CARD14: variants seen among roughly 807,000 people sequenced by gnomAD.
CARD14 encodes caspase recruitment domain family member 14, also known as caspase recruitment domain-containing protein 14.
Under a neutral mutation model 111.5 loss-of-function variants are expected in CARD14, and 107 were observed. The ratio of observed to expected loss-of-function variants is 0.96; its 90% CI spans 0.82 to 1.13. CARD14 has a LOEUF of 1.13. CARD14 is among the 50% of genes most tolerant of loss of function. The probability of loss-of-function intolerance (pLI) is 0.00; values close to 1 mark genes in which losing one functional copy is unlikely to be tolerated. For synonymous variants in CARD14, 617 were observed against 579.6 expected, an observed-to-expected ratio of 1.06 and a Z score of -0.93; for missense variants, 1,322 against 1,362.3, an observed-to-expected ratio of 0.97 and a Z score of 0.47.
In CARD14 at chr17:80,207,063, G is replaced by C. The variant is rs1567907237; in HGVS notation, c.2785G>C (p.Glu929Gln). Reference protein sequence around the residue: ...FPIVIHVSVNEKMAKKLKKGL... With the variant: ...FPIVIHVSVNQKMAKKLKKGL... ...CATCGTCATCCACGTCTCTGTCAAC[G>C]AGAAGATGGCAAAGAAGCTCAAGTA... Residue 929 changes from glutamate to glutamine, a missense_variant, in exon 23 of 24, where the codon GAG (glutamate) becomes CAG (glutamine). Physicochemically the swap from Glu to Gln is conservative, Grantham distance 29. Coordinates refer to ENST00000648509, the MANE Select transcript of CARD14 (RefSeq NM_001366385.1). 2 of 1,613,804 alleles carry C rather than the reference G, an allele frequency of 1.2e-6. No homozygotes were observed. Among genetic ancestry groups the C allele is most frequent in the Admixed American group, 1.7e-5 (1 of 60,022 alleles).
chr17:80,198,768 G>A lies in CARD14; in HGVS notation c.1851+177G>A, dbSNP rs779831414. 6.6e-7 allele frequency: 1 copy of A among 1,516,560 alleles called. No homozygotes were observed. Among genetic ancestry groups the A allele is most frequent in the Non-Finnish European group, 8.8e-7 (1 of 1,135,676 alleles). The allele number at this position is 1,516,560 out of a possible 1,614,324, so 93.9% of individuals were successfully genotyped here. A position where few individuals can be genotyped will look rare whatever the true frequency, so the allele number is the denominator to read the frequency against. ...CTGCTCATTTATAGATGAGAGTCGTGCCGTGCAGAACCCAGCATGTCACCC... is the reference window on the plus strand; with the variant it reads ...CTGCTCATTTATAGATGAGAGTCGTACCGTGCAGAACCCAGCATGTCACCC... On this transcript the variant is annotated intron_variant, in intron 16 of 23. Transcript: ENST00000648509. The surrounding 1 kb of genome is among the most constrained non-coding windows in gnomAD (Gnocchi z 7.5).
At chr17:80,176,969 C>T (rs182091144) in intron 2 of CARD14, among the ~76,000 whole-genome samples, 140 of 152,254 alleles carry the variant, frequency 9.2e-4, no homozygotes, top group African/African-American at 2.6e-3. Flanking sequence ...CTCTGGCTGC[C>T]GTCATAAATT....
intron 7 of CARD14, among the ~76,000 whole-genome samples, chr17:80,186,659 C>T (rs748618060): frequency 6.6e-6 from 1 of 152,206 alleles, no homozygotes; most frequent in Non-Finnish European, 1.5e-5. Context: ...AGCAATTCTC[C>T]TGCCTCAGCC....
At position 80,198,257 on chromosome 17, in the gene CARD14, C is replaced by A; in HGVS notation, c.1658+95C>A. The A allele has an allele frequency of 6.4e-7, 1 of 1,567,296 alleles. No homozygotes were observed. On this transcript the variant is annotated intron_variant, in intron 15 of 23. Coordinates refer to ENST00000648509, the MANE Select transcript of CARD14 (RefSeq NM_001366385.1). The surrounding 1 kb of genome is among the most constrained non-coding windows in gnomAD (Gnocchi z 7.5). ...TGAGTGTCCTATTACCAATGGGAGG[C>A]AACAGCCTTTCCAAGCACATGGGGC...
chr17:80,198,427 C>G lies in CARD14; in HGVS notation c.1687C>G (p.Arg563Gly). Reference protein sequence around the residue: ...SGVLMRRRPARRILSQVTMLA... With the variant: ...SGVLMRRRPAGRILSQVTMLA... ...CGTCCTCATGCGGCGGAGGCCAGCC[C>G]GCAGGATCCTGAGCCAGGTCACCAT... Residue 563 changes from arginine (R) to glycine (G), a missense_variant, in exon 16 of 24, where the codon CGC (arginine) becomes GGC (glycine). Arg to Gly is a moderately radical substitution (Grantham distance 125). Coordinates refer to ENST00000648509, the MANE Select transcript of CARD14 (RefSeq NM_001366385.1). The surrounding 1 kb of genome is among the most constrained non-coding windows in gnomAD (Gnocchi z 7.5). The G allele has an allele frequency of 6.2e-7, 1 of 1,607,574 alleles. No homozygotes were observed. Among genetic ancestry groups the G allele is most frequent in the Non-Finnish European group, 8.5e-7 (1 of 1,175,836 alleles).
intron 7 of CARD14, among the ~76,000 whole-genome samples, chr17:80,186,660 T>G (rs949819830): frequency 1.3e-5 from 2 of 152,204 alleles, no homozygotes; most frequent in African/African-American, 4.8e-5. Context: ...GCAATTCTCC[T>G]GCCTCAGCCT....
chr17:80,178,414 C>T (rs377294716), intron 2 of CARD14, 94 bp from the exon 3 acceptor site: 3 of 152,244 alleles, frequency 2.0e-5, no homozygotes, highest in Non-Finnish European at 4.4e-5. Context: ...TTTTCCCCGC[C>T]GCTTGCGGTG....
chr17:80,207,143 A>T (rs751433862), intron 23 of CARD14, 58 bp downstream of exon 23: 217 of 1,260,954 alleles, frequency 1.7e-4, no homozygotes, highest in Non-Finnish European at 2.4e-4. Flanking sequence ...GCTCCCCCAA[A>T]GCCCACGGCA....
chr17:80,181,567 G>C lies in CARD14; in HGVS notation c.129G>C (p.Leu43=). 1 of 1,566,998 alleles carries C rather than the reference G, an allele frequency of 6.4e-7. No individual in the cohort carries two copies. Among genetic ancestry groups the C allele is most frequent in the Non-Finnish European group, 8.6e-7 (1 of 1,156,186 alleles). Reference sequence around the variant, plus strand: ...GCCCCAGCCGCCTCACCCCCTACCTGCGCCAGGCCAAGGTGCTGTGCCAGC... The same window carrying C: ...GCCCCAGCCGCCTCACCCCCTACCTCCGCCAGGCCAAGGTGCTGTGCCAGC... ...CICPSRLTPY[L]RQAKVLCQLD... Residue 43 remains leucine (L), a synonymous_variant, in exon 5 of 24, where the codon CTG becomes CTC. Coordinates refer to ENST00000648509, the MANE Select transcript of CARD14 (RefSeq NM_001366385.1).
At chr17:80,183,777 CG>C in intron 6 of CARD14, 135 bp from the exon 7 acceptor site, 1 of 471,990 alleles carries the variant, frequency 2.1e-6, no homozygotes, top group South Asian at 3.7e-5. Flanking sequence ...CATGCTCACC[CG>C]CCCACATGCT....
rs369746581 is a variant in CARD14, at chr17:80,198,157, G to A, written c.1653G>A (p.Ser551=). 237 of 1,613,736 alleles carry A rather than the reference G, an allele frequency of 1.5e-4. No individual in the cohort carries two copies. The highest frequency in any genetic ancestry group is 2.2e-4 in the Admixed American group (13 of 60,010). Residue 551 remains serine, a synonymous_variant, in exon 15 of 24, where the codon TCG becomes TCA. Coordinates refer to ENST00000648509, the MANE Select transcript of CARD14 (RefSeq NM_001366385.1). This position sits in a 1 kb window ranked among gnomAD's most constrained non-coding sequence, Gnocchi z 7.5. Reference sequence around the variant, plus strand: ...TCTCCCCTGGAAGGCTTGATGTCTCGGAGAGGTAAGCAGCAGGTGGGAATC... The same window carrying A: ...TCTCCCCTGGAAGGCTTGATGTCTCAGAGAGGTAAGCAGCAGGTGGGAATC... ...QPVSPGRLDV[S]ESGVLMRRRP... is the part of the protein sequence containing the mutation.
intron 7 of CARD14, among the ~76,000 whole-genome samples, chr17:80,185,683 G>A (rs560345569): frequency 3.9e-5 from 6 of 152,250 alleles, no homozygotes; most frequent in Admixed American, 6.5e-5. Context: ...GCCCAGGGTC[G>A]GGCCCTGTGT....
intron 17 of CARD14, 110 bp from the exon 18 acceptor site, chr17:80,202,070 C>A: frequency 8.1e-7 from 1 of 1,236,350 alleles, no homozygotes; most frequent in Admixed American, 2.0e-5. Flanking sequence ...GCCAGAGCAG[C>A]TTCTGAGACT....
chr17:80,187,684 G>C (rs775689645), intron 7 of CARD14: 1 of 920,108 alleles, frequency 1.1e-6, no homozygotes, highest in Non-Finnish European at 1.3e-6. Context: ...CCACCCCGAC[G>C]TGCAGACTTC....
chr17:80,176,231 A>G (rs1396321878), intron 2 of CARD14, among the ~76,000 whole-genome samples: 2 of 149,598 alleles, frequency 1.3e-5, no homozygotes, highest in African/African-American at 4.9e-5. Flanking sequence ...GGAGTTTGAG[A>G]CCAGCCCAGG....
rs111745899 is a variant in CARD14 at position 80,208,119 on chromosome 17, C to G, written c.2808-19C>G. ...TTGCTCTCCCCTGAGCCCGCCCCCC[C>G]CAACTCTGGCCTGTGCAGGAAGGGC... On this transcript the variant is annotated intron_variant, in intron 23 of 23. Transcript: ENST00000648509. 291 of 1,501,216 alleles carry G rather than the reference C, an allele frequency of 1.9e-4. 1 individual carries two copies. In the African/African-American group the frequency reaches 2.0e-3, roughly 10 times the overall value. 93.0% of individuals were successfully genotyped at this position (1,501,216 alleles called of 1,614,324 possible). A position where few individuals can be genotyped will look rare whatever the true frequency, so the allele number is the denominator to read the frequency against.
chr17:80,183,451 G>A (rs188745828), intron 6 of CARD14, among the ~76,000 whole-genome samples: 3 of 152,300 alleles, frequency 2.0e-5, no homozygotes, highest in Non-Finnish European at 4.4e-5. Flanking sequence ...TCAGGATAAC[G>A]TTAAAATGAG....
Position 80,172,454 on chromosome 17 carries a change from G to A in CARD14, c.-689-452G>A, listed in dbSNP as rs542583260. ...CCTAGACCAGCCAAGACTTCCTCCC[G>A]CTTTCCTTCTTCTAGAACTTTCCCC... On this transcript the variant is annotated intron_variant, in intron 1 of 23. Transcript: ENST00000648509. Among the ~76,000 whole-genome samples, 232 of 152,264 alleles carry A rather than the reference G, an allele frequency of 1.5e-3. 2 individuals are homozygous for A. Among genetic ancestry groups the A allele is most frequent in the Non-Finnish European group, 2.7e-3 (185 of 68,014 alleles).
chr17:80,181,063 T>A (rs75970740), intron 4 of CARD14, among the ~76,000 whole-genome samples: 161 of 150,860 alleles, frequency 1.1e-3, no homozygotes, highest in African/African-American at 3.9e-3. Flanking sequence ...ACGCCTAGCC[T>A]ACTACCATTA....
Sources: gnomAD v4.1 joint callset for allele counts (sites outside exome capture counted in the v4.1 genomes callset) on GRCh38, gnomAD v4.1.1 for gene constraint, Gnocchi (gnomAD v3.1) non-coding constraint, MANE v1.5 for transcripts, NCBI Gene and HGNC (gene_info 2026-07-23, HGNC 2026-07-21) for gene names.